PDE1C: variants seen among roughly 807,000 people sequenced by gnomAD.
PDE1C encodes the protein phosphodiesterase 1C.
PDE1C carries 62 observed loss-of-function variants against 93.1 expected under a neutral mutation model. The observed-to-expected ratio is 0.67, with a 90% confidence interval of 0.54 to 0.82. The LOEUF is 0.82. Ranked by LOEUF, PDE1C falls within the 40% of genes least tolerant of loss-of-function variation. The pLI is 0.00. For missense variants in PDE1C, 742 were observed against 884.6 expected, an observed-to-expected ratio of 0.84 and a Z score of 2.04; for synonymous variants, 325 against 310.1, an observed-to-expected ratio of 1.05 and a Z score of -0.50.
At position 31,751,242 on chromosome 7, in the gene PDE1C, T is replaced by G. The variant is rs1794124024; in HGVS notation, c.*2142A>C. ...ATCTGCATTTCTATACAATCCATTA[T>G]GCAAAAAACATGGTAGGCATTTTAT... On this transcript the variant is annotated 3_prime_UTR_variant, in exon 18 of 18. Transcript: ENST00000396191. 3 of 152,192 alleles carry G rather than the reference T, an allele frequency of 2.0e-5. No individual in the cohort carries two copies. In the South Asian group the frequency reaches 6.2e-4, roughly 32 times the overall value. The allele number at this position is 152,192 out of a possible 1,614,324, so 9.4% of individuals were successfully genotyped here.
intron 1 of PDE1C, among the ~76,000 whole-genome samples, chr7:32,377,086 T>TTCCC (rs1291393155): frequency 1.3e-5 from 2 of 152,098 alleles, no homozygotes; most frequent in Non-Finnish European, 2.9e-5. Flanking sequence ...GCTGTAGCCA[T>TTCCC]TCCCTCCCTC....
chr7:32,410,252 G>A (rs1256705073), intron 1 of PDE1C, among the ~76,000 whole-genome samples: 1 of 152,046 alleles, frequency 6.6e-6, no homozygotes, highest in Non-Finnish European at 1.5e-5. Flanking sequence ...AGCATCGCTT[G>A]AGCCCAGGAG....
At chr7:31,788,898 A>G (rs1411855816) in intron 16 of PDE1C, 8 of 152,228 alleles carry the variant, frequency 5.3e-5, no homozygotes, top group Admixed American at 3.3e-4. Flanking sequence ...CAGGAAGACC[A>G]CATACAGTCT....
the PDE1C span, chr7:31,643,996 G>A: frequency 0.98 from 1,498,454 of 1,529,482 alleles, 734,100 homozygotes; most frequent in East Asian, 1. Flanking sequence ...AGATGCACCC[G>A]TGATAAACAC....
At chr7:32,295,900 A>G (rs1242436528) in intron 1 of PDE1C, among the ~76,000 whole-genome samples, 1 of 151,440 alleles carries the variant, frequency 6.6e-6, no homozygotes, top group African/African-American at 2.4e-5. Context: ...TCTCAAAAAA[A>G]AAAAAAAAAA....
chr7:32,039,216 G>A (rs1256844594), intron 2 of PDE1C, among the ~76,000 whole-genome samples: 1 of 152,136 alleles, frequency 6.6e-6, no homozygotes, highest in Non-Finnish European at 1.5e-5. Context: ...TGGGTCATGA[G>A]TGAGTAGGGG....
At chr7:31,637,421 T>C in the PDE1C span, among the ~76,000 whole-genome samples, 3 of 152,282 alleles carry the variant, frequency 2.0e-5, no homozygotes, top group South Asian at 6.2e-4. Context: ...TTTTTAATGA[T>C]CGCCAGTCTA....
chr7:32,049,979 G>A (rs949928132), intron 2 of PDE1C, among the ~76,000 whole-genome samples: 4 of 152,142 alleles, frequency 2.6e-5, no homozygotes, highest in African/African-American at 9.7e-5. Context: ...ACATGCCTAG[G>A]CTGTTGGTAT....
intron 3 of PDE1C, among the ~76,000 whole-genome samples, chr7:32,141,531 A>C (rs1253270745): frequency 2.6e-5 from 4 of 152,216 alleles, no homozygotes; most frequent in African/African-American, 9.6e-5. Flanking sequence ...AAGATCATAA[A>C]ACCCTAAACT....
the PDE1C span, among the ~76,000 whole-genome samples, chr7:31,648,041 T>C: frequency 1.3e-5 from 2 of 152,152 alleles, no homozygotes; most frequent in Non-Finnish European, 2.9e-5. Flanking sequence ...TTGTTAATTT[T>C]AAAAAGTGTT....
At chr7:32,267,331 G>A (rs1206409296) in intron 1 of PDE1C, among the ~76,000 whole-genome samples, 1 of 152,162 alleles carries the variant, frequency 6.6e-6, no homozygotes, top group Non-Finnish European at 1.5e-5. Flanking sequence ...CTGGAGTTTG[G>A]GAGATGTCTC....
At chr7:31,962,358 T>G (rs903203060) in intron 2 of PDE1C, among the ~76,000 whole-genome samples, 1 of 152,200 alleles carries the variant, frequency 6.6e-6, no homozygotes, top group Non-Finnish European at 1.5e-5. Flanking sequence ...TTAGTGCTAC[T>G]TGCAACAGTT....
At chr7:32,387,652 G>C (rs1301967475) in intron 1 of PDE1C, among the ~76,000 whole-genome samples, 1 of 146,210 alleles carries the variant, frequency 6.8e-6, no homozygotes, top group African/African-American at 2.6e-5. Context: ...CCTCCCTCCC[G>C]GACGGGGCGG....
chr7:32,011,035 C>A (rs892392649), intron 2 of PDE1C, among the ~76,000 whole-genome samples: 4 of 152,028 alleles, frequency 2.6e-5, no homozygotes, highest in African/African-American at 2.4e-5. Context: ...ATAAGCTGGA[C>A]TTTATTAAAA....
At chr7:32,179,077 C>T (rs1803202425) in intron 2 of PDE1C, among the ~76,000 whole-genome samples, 1 of 152,210 alleles carries the variant, frequency 6.6e-6, no homozygotes, top group Admixed American at 6.5e-5. Context: ...ACCCAAAATT[C>T]TCATTCTCCT....
rs150321407 is a variant in PDE1C, at chr7:32,188,565, A to C, written c.137-18609T>G. On this transcript the variant is annotated intron_variant, in intron 2 of 18. Transcript: ENST00000396193. The stretch of plus-strand genomic sequence containing the variant: ...ATGTCACATATTTTTATTTATCTCT[A>C]ACTCTAAAAACACCTGTTTCTCTTC... Among the ~76,000 whole-genome samples the C allele has an allele frequency of 4.2e-3, 637 of 152,160 alleles. 6 individuals are homozygous for C. Among genetic ancestry groups the C allele is most frequent in the African/African-American group, 0.015 (607 of 41,528 alleles).
the PDE1C span, among the ~76,000 whole-genome samples, chr7:31,699,010 C>T: frequency 6.6e-6 from 1 of 152,114 alleles, no homozygotes; most frequent in East Asian, 1.9e-4. Flanking sequence ...TGGGCATACA[C>T]TGGAAAACAA....
intron 6 of PDE1C, among the ~76,000 whole-genome samples, chr7:31,872,851 A>C (rs1347226257): frequency 1.3e-5 from 2 of 152,176 alleles, no homozygotes; most frequent in African/African-American, 4.8e-5. Context: ...GTCACAGATG[A>C]TAAGTGATAG....
intron 1 of PDE1C, among the ~76,000 whole-genome samples, chr7:32,328,109 T>C (rs1261282326): frequency 6.6e-6 from 1 of 152,232 alleles, no homozygotes; most frequent in Non-Finnish European, 1.5e-5. Context: ...TATTTATCTT[T>C]AGTAGATCCT....
Sources: gnomAD v4.1 joint callset for allele counts (sites outside exome capture counted in the v4.1 genomes callset) on GRCh38, gnomAD v4.1.1 for gene constraint, MANE v1.5 for transcripts, NCBI Gene and HGNC (gene_info 2026-07-23, HGNC 2026-07-21) for gene names.